STK32A: variants seen among roughly 807,000 people sequenced by gnomAD.
STK32A encodes serine/threonine-protein kinase 32A.
In STK32A, 41 loss-of-function variants were observed where a neutral mutation model predicts 53.2. The observed-to-expected ratio is 0.77, with a 90% CI of 0.60 to 1.00. The LOEUF is 1.00. STK32A is among the 50% of genes least tolerant of loss of function. The pLI is 0.00. For synonymous variants in STK32A, 166 were observed against 162.8 expected, an observed-to-expected ratio of 1.02 and a Z score of -0.15; for missense variants, 458 against 485.8, an observed-to-expected ratio of 0.94 and a Z score of 0.54.
At chr5:147,321,481 C>T (rs191432117) in intron 4 of STK32A, among the ~76,000 whole-genome samples, 38 of 152,314 alleles carry the variant, frequency 2.5e-4, no homozygotes, top group African/African-American at 8.9e-4. Flanking sequence ...TGATTAAATA[C>T]ATTTATATTT....
chr5:147,396,527 G>A, the STK32A span, among the ~76,000 whole-genome samples: 2 of 152,194 alleles, frequency 1.3e-5, no homozygotes, highest in African/African-American at 4.8e-5. Context: ...TGACCGTGCA[G>A]GATGGATCAT....
chr5:147,324,932 A>C (rs1019513499), intron 5 of STK32A, among the ~76,000 whole-genome samples: 1 of 152,166 alleles, frequency 6.6e-6, no homozygotes, highest in African/African-American at 2.4e-5. Flanking sequence ...TAGTTTATTA[A>C]ATCCTCAAAA....
At chr5:147,254,096 G>C (rs558327563) in intron 2 of STK32A, among the ~76,000 whole-genome samples, 2 of 152,144 alleles carry the variant, frequency 1.3e-5, no homozygotes, top group East Asian at 3.9e-4. Flanking sequence ...TTCCTTCTAA[G>C]GACACCAGCC....
intron 4 of STK32A, among the ~76,000 whole-genome samples, chr5:147,280,338 C>T (rs745689576): frequency 2.2e-5 from 3 of 134,776 alleles, no homozygotes; most frequent in Non-Finnish European, 3.1e-5. Flanking sequence ...CAGCTGGGAG[C>T]GGGGAGCCTG....
rs200677156 is a variant in STK32A, at chr5:147,334,686, CTT to C, written c.435-8319_435-8318del. Among the ~76,000 whole-genome samples, 418 of 152,274 alleles carry C rather than the reference CTT, an allele frequency of 2.7e-3. 3 individuals carry two copies. The highest frequency in any genetic ancestry group is 9.4e-3 in the African/African-American group (392 of 41,552). On this transcript the variant is annotated intron_variant, in intron 5 of 12. Coordinates refer to ENST00000397936, the MANE Select transcript of STK32A (RefSeq NM_001112724.2). Reference sequence around the variant, plus strand: ...TTCTCAAATATTGCAATAAATGAAACTTAGCATCATGATGCTGTCACAATGGT... The same window carrying C: ...TTCTCAAATATTGCAATAAATGAAACAGCATCATGATGCTGTCACAATGGT...
intron 4 of STK32A, among the ~76,000 whole-genome samples, chr5:147,280,294 G>A (rs1415495624): frequency 1.3e-5 from 2 of 151,946 alleles, no homozygotes; most frequent in South Asian, 4.2e-4. Flanking sequence ...TGCAGACTCC[G>A]GGGGCAGGGG....
At chr5:147,318,326 T>C (rs1294965431) in intron 4 of STK32A, among the ~76,000 whole-genome samples, 1 of 152,196 alleles carries the variant, frequency 6.6e-6, no homozygotes, top group Non-Finnish European at 1.5e-5. Flanking sequence ...GTATAATCTG[T>C]AGCACGAATT....
intron 5 of STK32A, among the ~76,000 whole-genome samples, chr5:147,329,089 G>A (rs1246954755): frequency 1.3e-5 from 2 of 152,144 alleles, no homozygotes; most frequent in Non-Finnish European, 2.9e-5. Flanking sequence ...AACAGAGAGA[G>A]TTGCAAAAAT....
At chr5:147,246,167 T>G (rs1753761727) in intron 2 of STK32A, among the ~76,000 whole-genome samples, 2 of 152,228 alleles carry the variant, frequency 1.3e-5, no homozygotes. Context: ...AGAATTGGCT[T>G]CTTAAAAAAA....
intron 2 of STK32A, among the ~76,000 whole-genome samples, chr5:147,248,045 C>A (rs1753829048): frequency 6.8e-6 from 1 of 147,510 alleles, no homozygotes; most frequent in Admixed American, 7.0e-5. Flanking sequence ...TGCTTGAATG[C>A]AGGAGGCAGA....
At chr5:147,271,656 G>T (rs975424460) in intron 2 of STK32A, among the ~76,000 whole-genome samples, 1 of 152,052 alleles carries the variant, frequency 6.6e-6, no homozygotes, top group Non-Finnish European at 1.5e-5. Context: ...CTCTAAAATG[G>T]CCCCCTTGGG....
chr5:147,253,966 A>G (rs1342046592), intron 2 of STK32A, among the ~76,000 whole-genome samples: 2 of 152,196 alleles, frequency 1.3e-5, no homozygotes, highest in Non-Finnish European at 1.5e-5. Context: ...CCCTCCTCCA[A>G]GTGCTAAGCA....
At chr5:147,390,781 C>T (rs1212216427), downstream of STK32A, 1 of 152,614 alleles carries the variant, frequency 6.6e-6, no homozygotes, top group Non-Finnish European at 1.5e-5. Context: ...ATGCACATCA[C>T]ACAAAGAAGA....
intron 5 of STK32A, among the ~76,000 whole-genome samples, chr5:147,326,547 C>T (rs1754599530): frequency 6.6e-6 from 1 of 152,094 alleles, no homozygotes; most frequent in African/African-American, 2.4e-5. Context: ...ATTCATTTGT[C>T]TCCTTTATAA....
chr5:147,370,480 G>A (rs543626090), intron 8 of STK32A, among the ~76,000 whole-genome samples, 174 bp from the exon 9 acceptor site: 1 of 152,184 alleles, frequency 6.6e-6, no homozygotes, highest in Non-Finnish European at 1.5e-5. Flanking sequence ...AAAAAGTAGG[G>A]GGTCTGGCAA....
At chr5:147,257,218 A>G (rs1488306645) in intron 2 of STK32A, among the ~76,000 whole-genome samples, 1 of 149,006 alleles carries the variant, frequency 6.7e-6, no homozygotes, top group Non-Finnish European at 1.5e-5. Context: ...AGAACATTGG[A>G]CCAACTACAG....
intron 5 of STK32A, among the ~76,000 whole-genome samples, chr5:147,339,625 A>G (rs978692056): frequency 6.6e-6 from 1 of 152,224 alleles, no homozygotes; most frequent in African/African-American, 2.4e-5. Flanking sequence ...GAACGCAGCC[A>G]GGAAGGGGGC....
At chr5:147,371,929 T>A (rs1757021176) in intron 9 of STK32A, among the ~76,000 whole-genome samples, 1 of 152,180 alleles carries the variant, frequency 6.6e-6, no homozygotes, top group African/African-American at 2.4e-5. Context: ...CTTCTTGGTG[T>A]AAGTTCACAT....
intron 11 of STK32A, chr5:147,376,004 T>C (rs1757217291): frequency 6.6e-6 from 1 of 152,164 alleles, no homozygotes. Context: ...TACTTTTTTT[T>C]AGTAGCTATG....
Sources: gnomAD v4.1 joint callset for allele counts (sites outside exome capture counted in the v4.1 genomes callset) on GRCh38, gnomAD v4.1.1 for gene constraint, MANE v1.5 for transcripts, NCBI Gene and HGNC (gene_info 2026-07-23, HGNC 2026-07-21) for gene names.